The following TRIM67 variants were observed in gnomAD, a reference collection of about 807,000 sequenced individuals.
TRIM67 encodes the protein tripartite motif containing 67, also known as tripartite motif-containing protein 67.
A neutral mutation model predicts 71.0 loss-of-function variants in TRIM67; 39 were observed. That is an observed-to-expected ratio of 0.55 (90% confidence interval 0.43 to 0.72). The LOEUF is 0.72. Among genes scored for constraint, TRIM67 ranks in the 30% least tolerant of loss-of-function variants. The probability of loss-of-function intolerance (pLI) is 0.00; values close to 1 mark genes in which losing one functional copy is unlikely to be tolerated. For missense variants in TRIM67, 973 were observed against 1,079.2 expected (o/e 0.90, Z 1.38); for synonymous variants, 481 against 473.9 (o/e 1.01, Z -0.19).
At chr1:231,210,724 T>C (rs536916858) in intron 8 of TRIM67, among the ~76,000 whole-genome samples, 214 of 151,968 alleles carry the variant, frequency 1.4e-3, no homozygotes, top group Non-Finnish European at 2.7e-3. Context: ...GTACTATTAT[T>C]GTTGCCATTT....
intron 1 of TRIM67, among the ~76,000 whole-genome samples, chr1:231,190,215 T>C (rs1299764998): frequency 2.6e-5 from 4 of 152,142 alleles, no homozygotes; most frequent in Admixed American, 6.6e-5. Flanking sequence ...GGTGGCGCCT[T>C]CAAAGAGATC....
At position 231,215,780 on chromosome 1, in the gene TRIM67, T is replaced by G. The variant is rs768762900; in HGVS notation, c.*340T>G. ...TGCCATCTGTTTTCAAAGCTTGTCT[T>G]TTTTTGGAGGGAGAGGAAGGTAGAC... On this transcript the variant is annotated 3_prime_UTR_variant, in exon 10 of 10. Coordinates refer to ENST00000366653, the MANE Select transcript of TRIM67 (RefSeq NM_001004342.5). 5.5e-6 allele frequency: 6 copies of G among 1,084,400 alleles called. No individual in the cohort carries two copies. Among genetic ancestry groups the G allele is most frequent in the Non-Finnish European group, 6.7e-6 (6 of 894,350 alleles). The allele number at this position is 1,084,400 out of a possible 1,614,324, so 67.2% of individuals were successfully genotyped here.
In TRIM67 at chr1:231,163,338, C is replaced by T. The variant is rs759016513; in HGVS notation, c.369C>T (p.Asn123=). The T allele has an allele frequency of 2.3e-4, 346 of 1,528,474 alleles. No individual in the cohort carries two copies. The highest frequency in any genetic ancestry group is 3.0e-4 in the Non-Finnish European group (339 of 1,137,460). 94.7% of individuals were successfully genotyped at this position (1,528,474 alleles called of 1,614,324 possible). ...ACACCCCGAGCCTCAAGTCCCCCAACGGGGTTCGCGTGCTGCCCATGGTGC... is the reference window on the plus strand; with the variant it reads ...ACACCCCGAGCCTCAAGTCCCCCAATGGGGTTCGCGTGCTGCCCATGGTGC... The part of the protein sequence containing the change: ...GSYTPSLKSP[N]GVRVLPMVPA... Residue 123 remains asparagine, a synonymous_variant, in exon 1 of 10, where the codon AAC becomes AAT. Transcript: ENST00000366653.
chr1:231,215,103 C>T (rs1213934083), intron 9 of TRIM67, among the ~76,000 whole-genome samples: 1 of 152,198 alleles, frequency 6.6e-6, no homozygotes, highest in Non-Finnish European at 1.5e-5. Flanking sequence ...CCTGTGATGG[C>T]GTCTACTTTG....
chr1:231,208,213 G>A lies in TRIM67; in HGVS notation c.1820-734G>A, dbSNP rs529921957. 3.2e-3 allele frequency among the ~76,000 whole-genome samples: 477 copies of A among 149,598 alleles called. 2 individuals carry two copies. The highest frequency in any genetic ancestry group is 0.011 in the African/African-American group (450 of 40,538). ...TTTTGAGACAGAGTCTTGATCTGTC[G>A]CCCAAGCTGGAGTGTAGTGGCGTGA... On this transcript the variant is annotated intron_variant, in intron 7 of 9. Transcript: ENST00000366653.
chr1:231,174,119 G>T (rs1158819962), intron 1 of TRIM67, among the ~76,000 whole-genome samples: 4 of 150,054 alleles, frequency 2.7e-5, no homozygotes, highest in Non-Finnish European at 4.4e-5. Context: ...ACAGTTCTTG[G>T]ATGATCTCTT....
rs114631767 is a variant in TRIM67, at chr1:231,183,178, G to A, written c.1045-14193G>A. ...CAAGCATGGACTATACCAAGGCTCA[G>A]CATGAATCACTAATTATAGCATAGC... is the stretch of plus-strand genomic sequence containing the variant. On this transcript the variant is annotated intron_variant, in intron 1 of 9. Coordinates refer to ENST00000366653, the MANE Select transcript of TRIM67 (RefSeq NM_001004342.5). 2.2e-3 allele frequency among the ~76,000 whole-genome samples: 335 copies of A among 152,312 alleles called. 3 individuals carry two copies. Among genetic ancestry groups the A allele is most frequent in the Admixed American group, 2.6e-3 (40 of 15,304 alleles).
chr1:231,205,200 G>A (rs1683662102), intron 6 of TRIM67, among the ~76,000 whole-genome samples: 2 of 152,218 alleles, frequency 1.3e-5, no homozygotes, highest in South Asian at 4.1e-4. Flanking sequence ...TAGACCTAAG[G>A]GCTAGGGTTT....
Position 231,218,625 on chromosome 1 carries a change from A to G in TRIM67, c.*3185A>G. 1 of 985,464 alleles carries G rather than the reference A, an allele frequency of 1.0e-6. No homozygotes were observed. Among genetic ancestry groups the G allele is most frequent in the South Asian group, 4.7e-5 (1 of 21,286 alleles). 61.0% of individuals were successfully genotyped at this position (985,464 alleles called of 1,614,324 possible). A position where few individuals can be genotyped will look rare whatever the true frequency, so the allele number is the denominator to read the frequency against. ...TTCTCCTTGGGAAAATAATGATTCC[A>G]ATTAAAGAGGACACCAGTAATACTG... On this transcript the variant is annotated 3_prime_UTR_variant, in exon 10 of 10. Transcript: ENST00000366653.
At chr1:231,200,465 A>G (rs979352462) in intron 4 of TRIM67, among the ~76,000 whole-genome samples, 2 of 152,232 alleles carry the variant, frequency 1.3e-5, no homozygotes, top group African/African-American at 4.8e-5. Context: ...TGAAACGAGG[A>G]GGTGAAATGA....
intron 9 of TRIM67, 49 bp from the exon 10 acceptor site, chr1:231,215,326 T>C: frequency 6.3e-7 from 1 of 1,595,018 alleles, no homozygotes; most frequent in African/African-American, 1.3e-5. Flanking sequence ...GCCCTCAGGG[T>C]CCCTGCGGCA....
chr1:231,187,407 A>G, intron 1 of TRIM67: 1 of 1,013,382 alleles, frequency 9.9e-7, no homozygotes, highest in Non-Finnish European at 1.4e-6. Context: ...TTTTTAAAAA[A>G]TGAGTCATTT....
rs1684056857 is a variant in TRIM67 at position 231,217,956 on chromosome 1, G to C, written c.*2516G>C. 1 of 1,258,998 alleles carries C rather than the reference G, an allele frequency of 7.9e-7. No individual in the cohort carries two copies. Among genetic ancestry groups the C allele is most frequent in the Admixed American group, 2.6e-5 (1 of 39,154 alleles). 78.0% of individuals were successfully genotyped at this position (1,258,998 alleles called of 1,614,324 possible). On this transcript the variant is annotated 3_prime_UTR_variant, in exon 10 of 10. Transcript: ENST00000366653. ...CACTGCCACCCTGAGCTTGGGGGCT[G>C]GGATTCTCCCTTTTCTGACTCCTCC...
Position 231,163,716 on chromosome 1 carries a change from C to T in TRIM67, c.747C>T (p.Arg249=), listed in dbSNP as rs1441284931. 6 of 1,502,278 alleles carry T rather than the reference C, an allele frequency of 4.0e-6. No homozygotes were observed. Among genetic ancestry groups the T allele is most frequent in the Non-Finnish European group, 5.3e-6 (6 of 1,126,918 alleles). The allele number at this position is 1,502,278 out of a possible 1,614,324, so 93.1% of individuals were successfully genotyped here. A position where few individuals can be genotyped will look rare whatever the true frequency, so the allele number is the denominator to read the frequency against. ...CCCGGGGACCCTTCGCCAAGCATCG[C>T]CTGGTGCAGCCGCCGCCGCCGCCGC... The part of the protein sequence containing the change: ...HPSRGPFAKH[R]LVQPPPPPPP... Residue 249 remains arginine (R), a synonymous_variant, in exon 1 of 10, where the codon CGC becomes CGT. Transcript: ENST00000366653.
chr1:231,168,140 T>C (rs1558289181), intron 1 of TRIM67, among the ~76,000 whole-genome samples: 1 of 152,074 alleles, frequency 6.6e-6, no homozygotes, highest in Non-Finnish European at 1.5e-5. Context: ...AATTTTAAAA[T>C]TTTTTGTAGA....
At chr1:231,213,087 T>C (rs1683918223) in intron 8 of TRIM67, among the ~76,000 whole-genome samples, 1 of 152,170 alleles carries the variant, frequency 6.6e-6, no homozygotes, top group Admixed American at 6.5e-5. Context: ...AAGGCCTGGA[T>C]GTCCACATCT....
At chr1:231,176,143 C>A (rs1682741074) in intron 1 of TRIM67, among the ~76,000 whole-genome samples, 1 of 152,162 alleles carries the variant, frequency 6.6e-6, no homozygotes, top group Non-Finnish European at 1.5e-5. Flanking sequence ...TCCATATTAT[C>A]CAGTCAAAAC....
chr1:231,220,570 C>G lies in TRIM67; in HGVS notation c.*5130C>G, dbSNP rs548632993. 2 of 152,268 alleles carry G rather than the reference C, an allele frequency of 1.3e-5. No homozygotes were observed. The highest frequency in any genetic ancestry group is 1.9e-4 in the East Asian group (1 of 5,196). 9.4% of individuals were successfully genotyped at this position (152,268 alleles called of 1,614,324 possible). A position where few individuals can be genotyped will look rare whatever the true frequency, so the allele number is the denominator to read the frequency against. On this transcript the variant is annotated 3_prime_UTR_variant, in exon 10 of 10. Coordinates refer to ENST00000366653, the MANE Select transcript of TRIM67 (RefSeq NM_001004342.5). ...GGTTTGAAATCCAGTGTGGATAGCA[C>G]GAAGAGATGCAACTGAGCCGAAGTT...
At chr1:231,187,677 G>T in intron 1 of TRIM67, 1 of 1,037,542 alleles carries the variant, frequency 9.6e-7, no homozygotes, top group Non-Finnish European at 1.4e-6. Flanking sequence ...GCATCAAACT[G>T]CAGGAGGCGG....
Sources: gnomAD v4.1 joint callset for allele counts (sites outside exome capture counted in the v4.1 genomes callset) on GRCh38, gnomAD v4.1.1 for gene constraint, MANE v1.5 for transcripts, NCBI Gene and HGNC (gene_info 2026-07-23, HGNC 2026-07-21) for gene names.